The following GFOD2 variants were observed in gnomAD, a reference collection of about 807,000 sequenced individuals.
The protein encoded by GFOD2 is Gfo/Idh/MocA-like oxidoreductase domain containing 2, also known as glucose-fructose oxidoreductase domain-containing protein 2.
In GFOD2, 9 loss-of-function variants were observed where a neutral mutation model predicts 24.6. That is an observed-to-expected ratio of 0.37 (90% CI 0.22 to 0.64). The LOEUF (loss-of-function observed/expected upper bound fraction) is 0.64, where lower values mean the gene tolerates loss of function less well. GFOD2 is among the 30% of genes least tolerant of loss of function. GFOD2 has a pLI of 0.65. For synonymous variants in GFOD2, 211 were observed against 224.8 expected, an observed-to-expected ratio of 0.94 and a Z score of 0.55; for missense variants, 476 against 532.5, an observed-to-expected ratio of 0.89 and a Z score of 1.04.
intron 2 of GFOD2, chr16:67,684,033 CA>C: frequency 3.0e-6 from 1 of 336,984 alleles, no homozygotes; most frequent in Non-Finnish European, 4.2e-6. Flanking sequence ...TTTGAATGTC[CA>C]AAATGACATC....
intron 2 of GFOD2, chr16:67,683,804 C>A (rs777187302): frequency 1.6e-5 from 19 of 1,224,696 alleles, no homozygotes; most frequent in Non-Finnish European, 1.9e-5. Flanking sequence ...TGGAGGACAA[C>A]CTCATGGCAC....
chr16:67,710,452 C>A lies in GFOD2; in HGVS notation c.-88+8711G>T, dbSNP rs559261477. ...CGATCTCAGCTCACCGCAAGCTCCG[C>A]CTCCCGGGTTCACGCCATTCTCCTG... is the stretch of plus-strand genomic sequence containing the variant. On this transcript the variant is annotated intron_variant, in intron 1 of 2. Coordinates refer to ENST00000268797, the MANE Select transcript of GFOD2 (RefSeq NM_030819.4). 3.8e-4 allele frequency among the ~76,000 whole-genome samples: 58 copies of A among 151,538 alleles called. 2 individuals carry two copies. The South Asian group carries it at 0.011, about 29-fold the overall frequency.
chr16:67,717,040 G>GGGCC (rs2053511603), intron 1 of GFOD2, among the ~76,000 whole-genome samples: 1 of 152,114 alleles, frequency 6.6e-6, no homozygotes, highest in African/African-American at 2.4e-5. Context: ...GGGATTACAG[G>GGGCC]CGTGCACCAC....
chr16:67,692,074 T>C (rs766785710), intron 1 of GFOD2, among the ~76,000 whole-genome samples: 9 of 151,968 alleles, frequency 5.9e-5, no homozygotes, highest in Admixed American at 2.6e-4. Flanking sequence ...TGATAAGGGA[T>C]ACAAAGATAT....
chr16:67,679,195 T>C (rs1004482752), intron 2 of GFOD2, among the ~76,000 whole-genome samples: 9 of 151,880 alleles, frequency 5.9e-5, no homozygotes, highest in African/African-American at 2.2e-4. Context: ...AAGACTCACA[T>C]AGAAACTACA....
intron 1 of GFOD2, among the ~76,000 whole-genome samples, chr16:67,708,982 G>A (rs1338583875): frequency 2.0e-5 from 3 of 152,176 alleles, no homozygotes; most frequent in African/African-American, 4.8e-5. Flanking sequence ...TAGTTATGAA[G>A]TGAGACAGAT....
chr16:67,688,351 G>A (rs2053283963), intron 1 of GFOD2, among the ~76,000 whole-genome samples: 1 of 152,178 alleles, frequency 6.6e-6, no homozygotes, highest in Non-Finnish European at 1.5e-5. Flanking sequence ...ATGGGATTAT[G>A]AATGATTTTT....
At chr16:67,689,224 T>C (rs1231155975) in intron 1 of GFOD2, among the ~76,000 whole-genome samples, 4 of 149,664 alleles carry the variant, frequency 2.7e-5, no homozygotes, top group Non-Finnish European at 5.9e-5. Context: ...TTTTTGGTAG[T>C]GATGAGGTTT....
intron 1 of GFOD2, among the ~76,000 whole-genome samples, chr16:67,687,058 G>C (rs1034424330): frequency 6.7e-6 from 1 of 149,744 alleles, no homozygotes; most frequent in Non-Finnish European, 1.5e-5. Flanking sequence ...TGAGGCAGGA[G>C]AATCACTTGA....
Position 67,675,497 on chromosome 16 carries a change from GTTC to G in GFOD2, c.813_815del (p.Lys271del). On this transcript the variant is annotated inframe_deletion, in exon 3 of 3. Coordinates refer to ENST00000268797, the MANE Select transcript of GFOD2 (RefSeq NM_030819.4). ...AGAGCAGCTCCTCTTGCGTGGCAGA[GTTC>G]TTCTGCCCATAGAGGTCGGCTCCCC... 6.2e-7 allele frequency: 1 copy of G among 1,612,246 alleles called. No individual in the cohort carries two copies. Among genetic ancestry groups the G allele is most frequent in the South Asian group, 1.1e-5 (1 of 91,088 alleles).
chr16:67,711,816 C>T (rs2053475783), intron 1 of GFOD2, among the ~76,000 whole-genome samples: 1 of 152,158 alleles, frequency 6.6e-6, no homozygotes, highest in African/African-American at 2.4e-5. Context: ...GATCCATTAA[C>T]AAGTCTTGCT....
intron 1 of GFOD2, among the ~76,000 whole-genome samples, chr16:67,703,809 C>T (rs2053420349): frequency 6.6e-6 from 1 of 152,170 alleles, no homozygotes; most frequent in Admixed American, 6.5e-5. Flanking sequence ...AGTGTACAGG[C>T]AGGAAAGACT....
chr16:67,680,362 C>G (rs1285976786), intron 2 of GFOD2: 1 of 152,252 alleles, frequency 6.6e-6, no homozygotes, highest in Non-Finnish European at 1.5e-5. Context: ...GATCAAGCCA[C>G]TGTACTCCAG....
chr16:67,691,657 C>G (rs1045388771), intron 1 of GFOD2, among the ~76,000 whole-genome samples: 1 of 152,080 alleles, frequency 6.6e-6, no homozygotes, highest in Non-Finnish European at 1.5e-5. Context: ...TGTACCCCCC[C>G]AGGAGCTCCT....
chr16:67,700,564 T>C (rs920600260), intron 1 of GFOD2, among the ~76,000 whole-genome samples: 1 of 142,382 alleles, frequency 7.0e-6, no homozygotes. Context: ...ATACAAAAAT[T>C]AGCCAGGCAT....
intron 1 of GFOD2, among the ~76,000 whole-genome samples, chr16:67,695,385 T>G (rs1467312871): frequency 6.6e-6 from 1 of 152,100 alleles, no homozygotes; most frequent in Non-Finnish European, 1.5e-5. Flanking sequence ...CACAGTTATC[T>G]TCTACAATTT....
At chr16:67,698,607 C>G (rs2053375791) in intron 1 of GFOD2, among the ~76,000 whole-genome samples, 1 of 152,112 alleles carries the variant, frequency 6.6e-6, no homozygotes, top group African/African-American at 2.4e-5. Context: ...GCTTCCCGAG[C>G]AGCTGGGATT....
chr16:67,694,223 C>T (rs1204938768), intron 1 of GFOD2, among the ~76,000 whole-genome samples: 1 of 152,090 alleles, frequency 6.6e-6, no homozygotes, highest in Non-Finnish European at 1.5e-5. Flanking sequence ...TCTCAAACTC[C>T]TGACCTCAGG....
chr16:67,679,743 T>G (rs1441302127), intron 2 of GFOD2, among the ~76,000 whole-genome samples: 3 of 151,454 alleles, frequency 2.0e-5, no homozygotes, highest in Non-Finnish European at 4.4e-5. Flanking sequence ...AAGAATTAGC[T>G]GGGCGGGGTG....
Sources: gnomAD v4.1 joint callset for allele counts (sites outside exome capture counted in the v4.1 genomes callset) on GRCh38, gnomAD v4.1.1 for gene constraint, MANE v1.5 for transcripts, NCBI Gene and HGNC (gene_info 2026-07-23, HGNC 2026-07-21) for gene names.